Variants in THSD7B observed in about 807,000 individuals in gnomAD.
THSD7B encodes thrombospondin type 1 domain containing 7B.
A neutral mutation model predicts 213.6 loss-of-function variants in THSD7B; 138 were observed. The observed-to-expected ratio is 0.65, with a 90% CI of 0.56 to 0.74. The LOEUF is 0.74. THSD7B is among the 30% of genes least tolerant of loss of function. The probability of loss-of-function intolerance (pLI) is 0.00; values close to 1 mark genes in which losing one functional copy is unlikely to be tolerated. For missense variants in THSD7B, 1,931 were observed against 1,991.5 expected (o/e 0.97, Z 0.58); for synonymous variants, 742 against 687.0 (o/e 1.08, Z -1.25).
intron 15 of THSD7B, among the ~76,000 whole-genome samples, chr2:137,520,444 A>G (rs966614125): frequency 6.6e-6 from 1 of 152,244 alleles, no homozygotes; most frequent in Admixed American, 6.5e-5. Flanking sequence ...CCTGCATTTA[A>G]CAGAAGAGAA....
chr2:137,162,326 C>A (rs1680034878), intron 6 of THSD7B, among the ~76,000 whole-genome samples: 1 of 152,138 alleles, frequency 6.6e-6, no homozygotes, highest in Non-Finnish European at 1.5e-5. Flanking sequence ...TTCCATTGGT[C>A]CCCGGAAGAG....
chr2:137,354,603 A>G (rs953326090), intron 12 of THSD7B, among the ~76,000 whole-genome samples: 4 of 152,162 alleles, frequency 2.6e-5, no homozygotes, highest in Non-Finnish European at 5.9e-5. Flanking sequence ...CAAGTAAGAA[A>G]TAGCCTTAAG....
intron 2 of THSD7B, among the ~76,000 whole-genome samples, chr2:136,905,609 G>A (rs2105017230): frequency 6.6e-6 from 1 of 152,308 alleles, no homozygotes; most frequent in Middle Eastern, 3.4e-3. Context: ...TCATGTTGGT[G>A]CTTATTCTCT....
At chr2:137,657,248 C>G in intron 24 of THSD7B, 88 bp downstream of exon 24, 1 of 1,257,322 alleles carries the variant, frequency 8.0e-7, no homozygotes, top group Non-Finnish European at 1.1e-6. Context: ...AAATTATAAA[C>G]AAGGGGTGAC....
chr2:137,102,518 A>T (rs1688170497), intron 4 of THSD7B, among the ~76,000 whole-genome samples: 1 of 152,202 alleles, frequency 6.6e-6, no homozygotes, highest in South Asian at 2.1e-4. Flanking sequence ...GCAGGGGAAC[A>T]AAACTGGATG....
At chr2:137,477,436 G>A (rs542761752) in intron 15 of THSD7B, among the ~76,000 whole-genome samples, 9 of 152,020 alleles carry the variant, frequency 5.9e-5, no homozygotes, top group African/African-American at 2.2e-4. Flanking sequence ...ATATAATTGA[G>A]TCATGTTCTT....
chr2:137,172,958 G>A (rs1680286721), intron 7 of THSD7B, among the ~76,000 whole-genome samples: 1 of 152,118 alleles, frequency 6.6e-6, no homozygotes, highest in Admixed American at 6.6e-5. Context: ...GAGCTCTAGA[G>A]TTAGATAGGT....
intron 7 of THSD7B, among the ~76,000 whole-genome samples, chr2:137,215,766 T>C (rs1414835197): frequency 6.6e-6 from 1 of 152,204 alleles, no homozygotes; most frequent in African/African-American, 2.4e-5. Flanking sequence ...TTGACTACTT[T>C]GAATAAGTGG....
chr2:137,442,035 G>A (rs1364246004), intron 14 of THSD7B, among the ~76,000 whole-genome samples: 3 of 151,918 alleles, frequency 2.0e-5, no homozygotes, highest in South Asian at 2.1e-4. Flanking sequence ...GACCCTCACA[G>A]CATTATAAGA....
At chr2:137,097,760 G>A (rs527870568) in intron 4 of THSD7B, among the ~76,000 whole-genome samples, 35 of 125,758 alleles carry the variant, frequency 2.8e-4, no homozygotes, top group East Asian at 4.9e-4. Context: ...TGAAAATGCC[G>A]CTAAGTTTGA....
intron 15 of THSD7B, among the ~76,000 whole-genome samples, chr2:137,456,727 GT>G (rs1484066751): frequency 6.6e-6 from 1 of 152,178 alleles, no homozygotes; most frequent in Non-Finnish European, 1.5e-5. Context: ...ATAAGAACTT[GT>G]TTTAAATGTG....
intron 2 of THSD7B, among the ~76,000 whole-genome samples, chr2:136,887,691 G>C (rs570832027): frequency 6.6e-6 from 1 of 152,132 alleles, no homozygotes; most frequent in East Asian, 1.9e-4. Context: ...TGTGCTTCCT[G>C]TACAGTCTGT....
intron 12 of THSD7B, among the ~76,000 whole-genome samples, chr2:137,366,014 G>A (rs1558771850): frequency 6.6e-6 from 1 of 152,152 alleles, no homozygotes; most frequent in Non-Finnish European, 1.5e-5. Context: ...GTGGTAGACT[G>A]GATTAAGAAA....
intron 10 of THSD7B, among the ~76,000 whole-genome samples, chr2:137,270,334 G>T (rs750079091): frequency 1.2e-4 from 18 of 152,138 alleles, no homozygotes; most frequent in Non-Finnish European, 2.5e-4. Context: ...AAAGCAGGTT[G>T]AAGAAGAACA....
chr2:136,867,489 A>C (rs1448573357), intron 1 of THSD7B, among the ~76,000 whole-genome samples: 1 of 152,216 alleles, frequency 6.6e-6, no homozygotes, highest in Non-Finnish European at 1.5e-5. Context: ...ACTGAGAATG[A>C]AAGGTTTAAA....
At chr2:136,790,549 A>G (rs940077429) in intron 1 of THSD7B, among the ~76,000 whole-genome samples, 6 of 152,120 alleles carry the variant, frequency 3.9e-5, no homozygotes, top group African/African-American at 1.4e-4. Flanking sequence ...GCTTTCAATT[A>G]TATACTGCCT....
chr2:137,218,279 G>T (rs954058561), intron 7 of THSD7B, among the ~76,000 whole-genome samples: 1 of 152,078 alleles, frequency 6.6e-6, no homozygotes, highest in African/African-American at 2.4e-5. Flanking sequence ...TGACTTAAAT[G>T]TCACTATTAT....
intron 27 of THSD7B, among the ~76,000 whole-genome samples, chr2:137,668,109 T>C (rs1464613767): frequency 6.6e-6 from 1 of 152,204 alleles, no homozygotes; most frequent in Non-Finnish European, 1.5e-5. Context: ...TTTGCATGTT[T>C]TGATTTCGAT....
At chr2:137,364,350 T>G (rs1685353033) in intron 12 of THSD7B, among the ~76,000 whole-genome samples, 1 of 152,136 alleles carries the variant, frequency 6.6e-6, no homozygotes, top group Non-Finnish European at 1.5e-5. Context: ...ATGGATGCCA[T>G]CTCTCACCAC....
Sources: gnomAD v4.1 joint callset for allele counts (sites outside exome capture counted in the v4.1 genomes callset) on GRCh38, gnomAD v4.1.1 for gene constraint, MANE v1.5 for transcripts, NCBI Gene and HGNC (gene_info 2026-07-23, HGNC 2026-07-21) for gene names.